The following PATJ variants were observed in gnomAD, a reference collection of about 807,000 sequenced individuals.
The protein encoded by PATJ is PATJ crumbs cell polarity complex component, also known as inaD-like protein.
PATJ carries 190 observed loss-of-function variants against 224.9 expected under a neutral mutation model. The observed-to-expected ratio is 0.84, with a 90% CI of 0.75 to 0.95. PATJ has a LOEUF of 0.95. PATJ is among the 40% of genes least tolerant of loss of function. PATJ has a pLI of 0.00. For synonymous variants in PATJ, 769 were observed against 820.3 expected (o/e 0.94, Z 1.07); for missense variants, 2,121 against 2,270.3 (o/e 0.93, Z 1.34).
At chr1:61,892,451 G>T (rs943793698) in intron 22 of PATJ, among the ~76,000 whole-genome samples, 1 of 152,102 alleles carries the variant, frequency 6.6e-6, no homozygotes, top group Admixed American at 6.6e-5. Flanking sequence ...ATATCATGAA[G>T]TCTTACCATT....
chr1:62,134,630 C>A (rs1240734063), intron 41 of PATJ, among the ~76,000 whole-genome samples: 1 of 152,132 alleles, frequency 6.6e-6, no homozygotes, highest in Non-Finnish European at 1.5e-5. Context: ...CTGGTGTGAG[C>A]CACCACGCCC....
At chr1:61,952,278 GAAAAAT>G (rs1557933442) in intron 27 of PATJ, 676 of 542,716 alleles carry the variant, frequency 1.2e-3, no homozygotes, top group South Asian at 3.7e-3. Context: ...GAGAGAGAGA[GAAAAAT>G]AGGCCCAAGG....
At chr1:61,914,306 A>G (rs1673104604) in intron 25 of PATJ, among the ~76,000 whole-genome samples, 1 of 152,156 alleles carries the variant, frequency 6.6e-6, no homozygotes, top group Non-Finnish European at 1.5e-5. Context: ...AAATACAAAA[A>G]TTAGCTGGGT....
In PATJ at chr1:62,018,790, G is replaced by A. The variant is rs2365739; in HGVS notation, c.3959+843G>A. ...GAAAGAATGTTAGCTGCTATTTTAG[G>A]ATTATGACAATCATTATTATTCTTC... On this transcript the variant is annotated intron_variant, in intron 29 of 43. Transcript: ENST00000642238. The surrounding 1 kb of genome is among the most constrained non-coding windows in gnomAD (Gnocchi z 4.2). Among the ~76,000 whole-genome samples the A allele has an allele frequency of 0.026, 4,024 of 152,200 alleles. 134 individuals carry two copies. Among genetic ancestry groups the A allele is most frequent in the Admixed American group, 0.094 (1,439 of 15,292 alleles).
chr1:61,899,526 C>T (rs1274872472), intron 22 of PATJ, 57 bp from the exon 23 acceptor site: 12 of 1,205,548 alleles, frequency 1.0e-5, no homozygotes, highest in Admixed American at 2.3e-5. Context: ...TTCCAAGGAC[C>T]TTTAATAATG....
At chr1:62,124,552 G>A (rs533068787) in intron 39 of PATJ, among the ~76,000 whole-genome samples, 23 of 152,156 alleles carry the variant, frequency 1.5e-4, no homozygotes, top group Non-Finnish European at 3.4e-4. Context: ...TTTATTAGCT[G>A]CATTAGTTTG....
intron 22 of PATJ, among the ~76,000 whole-genome samples, chr1:61,894,294 A>G (rs1670054053): frequency 1.3e-5 from 2 of 152,088 alleles, no homozygotes; most frequent in African/African-American, 2.4e-5. Context: ...AGAGAATTCT[A>G]AAATACAGCA....
At chr1:62,117,505 T>TA in intron 37 of PATJ, 10 of 896,114 alleles carry the variant, frequency 1.1e-5, no homozygotes, top group East Asian at 5.5e-5. Context: ...CTGTGTTTAT[T>TA]TAAAAAAAAA....
chr1:61,794,587 A>G (rs991380507), intron 9 of PATJ, among the ~76,000 whole-genome samples: 5 of 152,112 alleles, frequency 3.3e-5, no homozygotes, highest in Non-Finnish European at 7.4e-5. Flanking sequence ...AAAATTTTTT[A>G]TAGCCATTTG....
intron 10 of PATJ, among the ~76,000 whole-genome samples, chr1:61,795,934 G>A (rs1317379506): frequency 6.6e-6 from 1 of 152,038 alleles, no homozygotes; most frequent in Non-Finnish European, 1.5e-5. Flanking sequence ...TGTAAAAGTA[G>A]TTTTTCTGTT....
intron 38 of PATJ, among the ~76,000 whole-genome samples, chr1:62,121,713 G>A (rs183622017): frequency 6.6e-5 from 10 of 152,064 alleles, no homozygotes; most frequent in Non-Finnish European, 1.3e-4. Context: ...GGTGGAGGTT[G>A]CAGTGAGCCA....
At chr1:62,013,430 T>C (rs1054510533) in intron 28 of PATJ, 1 of 985,360 alleles carries the variant, frequency 1.0e-6, no homozygotes, top group Non-Finnish European at 1.2e-6. Context: ...ACTCAGCACA[T>C]CCTCATTGAG....
At chr1:61,900,821 C>T (rs896455982) in intron 23 of PATJ, among the ~76,000 whole-genome samples, 1 of 152,134 alleles carries the variant, frequency 6.6e-6, no homozygotes, top group African/African-American at 2.4e-5. Flanking sequence ...GATCTCCTGA[C>T]CTCGTGATCT....
At chr1:62,020,100 G>C (rs1646993507) in intron 29 of PATJ, among the ~76,000 whole-genome samples, 1 of 152,042 alleles carries the variant, frequency 6.6e-6, no homozygotes, top group South Asian at 2.1e-4. Context: ...AGCCCAGGAG[G>C]TTGAGGCTGC....
intron 28 of PATJ, among the ~76,000 whole-genome samples, chr1:62,002,072 C>G (rs1645807136): frequency 6.6e-6 from 1 of 152,042 alleles, no homozygotes; most frequent in Admixed American, 6.6e-5. Flanking sequence ...GGTGATTAGG[C>G]TGAGTATTAC....
intron 27 of PATJ, among the ~76,000 whole-genome samples, chr1:61,959,504 G>A (rs1680965122): frequency 7.0e-6 from 1 of 143,728 alleles, no homozygotes; most frequent in South Asian, 2.2e-4. Context: ...GCACAATCAT[G>A]GCTCACTGCA....
chr1:61,893,241 T>C (rs79442074), intron 22 of PATJ, among the ~76,000 whole-genome samples: 8,053 of 152,250 alleles, frequency 0.053, 253 homozygotes, highest in African/African-American at 0.067. Context: ...GTGTGTATAC[T>C]AAAACCTAGA....
rs1023766793 is a variant in PATJ at position 62,156,224 on chromosome 1, AT to A, written c.5502+2752del. ...GATCCCCATCTCTAAAAATAAAAAA[AT>A]TTTTTTTTAGACTCCAATGTAGGCC... On this transcript the variant is annotated intron_variant, in intron 43 of 43. Transcript: ENST00000642238. Among the ~76,000 whole-genome samples the A allele has an allele frequency of 4.6e-3, 690 of 149,788 alleles. 5 individuals carry two copies. The highest frequency in any genetic ancestry group is 0.016 in the African/African-American group (661 of 40,986).
intron 12 of PATJ, among the ~76,000 whole-genome samples, chr1:61,805,041 T>G (rs1399593775): frequency 2.0e-5 from 3 of 152,220 alleles, no homozygotes; most frequent in African/African-American, 7.2e-5. Flanking sequence ...GGAATGGAAC[T>G]ACTTTGAAGT....
Sources: gnomAD v4.1 joint callset for allele counts (sites outside exome capture counted in the v4.1 genomes callset) on GRCh38, gnomAD v4.1.1 for gene constraint, Gnocchi (gnomAD v3.1) non-coding constraint, MANE v1.5 for transcripts, NCBI Gene and HGNC (gene_info 2026-07-23, HGNC 2026-07-21) for gene names.